CECR2: variants seen among roughly 807,000 people sequenced by gnomAD.
The protein encoded by CECR2 is CECR2 histone acetyl-lysine reader.
CECR2 carries 30 observed loss-of-function variants against 154.5 expected under a neutral mutation model. The ratio of observed to expected loss-of-function variants is 0.19; its 90% CI spans 0.15 to 0.26. The LOEUF is 0.26. Among genes scored for constraint, CECR2 ranks in the 10% least tolerant of loss-of-function variants. The probability of loss-of-function intolerance (pLI) is 1.00; values close to 1 mark genes in which losing one functional copy is unlikely to be tolerated. For missense variants in CECR2, 1,743 were observed against 1,829.3 expected (o/e 0.95, Z 0.86); for synonymous variants, 725 against 683.7 (o/e 1.06, Z -0.94).
At chr22:17,397,740 G>A (rs1422669371) in intron 1 of CECR2, among the ~76,000 whole-genome samples, 3 of 151,722 alleles carry the variant, frequency 2.0e-5, no homozygotes, top group Non-Finnish European at 4.4e-5. Context: ...CTCGTGATCC[G>A]CCCGCCTCGG....
chr22:17,539,285 G>C, intron 13 of CECR2, 166 bp downstream of exon 13: 6 of 723,630 alleles, frequency 8.3e-6, no homozygotes, highest in Non-Finnish European at 1.3e-5. Flanking sequence ...GTGTCTGCCA[G>C]GGATTCTCTC....
intron 7 of CECR2, among the ~76,000 whole-genome samples, chr22:17,511,455 C>CT (rs1483105514): frequency 6.6e-6 from 1 of 152,170 alleles, no homozygotes; most frequent in East Asian, 1.9e-4. Context: ...TGCCCCCTCC[C>CT]AGAGCCGCCC....
At chr22:17,480,809 A>G (rs187356548) in intron 2 of CECR2, among the ~76,000 whole-genome samples, 322 of 150,452 alleles carry the variant, frequency 2.1e-3, no homozygotes, top group African/African-American at 7.5e-3. Flanking sequence ...GGAGGCCGAG[A>G]CGGGCAGATC....
chr22:17,426,066 A>C (rs903966628), intron 1 of CECR2, among the ~76,000 whole-genome samples: 1 of 152,184 alleles, frequency 6.6e-6, no homozygotes, highest in South Asian at 2.1e-4. Flanking sequence ...GCAGTTACCA[A>C]CTGAAGGACA....
chr22:17,421,663 G>T (rs182633716), intron 1 of CECR2, among the ~76,000 whole-genome samples: 4,752 of 141,586 alleles, frequency 0.034, 103 homozygotes, highest in Non-Finnish European at 0.043. Flanking sequence ...CATGGTGGCA[G>T]GCGCCTGTTA....
chr22:17,491,055 C>G (rs1227406651), intron 2 of CECR2, among the ~76,000 whole-genome samples: 2 of 152,074 alleles, frequency 1.3e-5, no homozygotes, highest in African/African-American at 4.8e-5. Flanking sequence ...TGAATCAGTA[C>G]TTCATTCATT....
intron 9 of CECR2, among the ~76,000 whole-genome samples, chr22:17,536,148 T>G (rs2056433601): frequency 6.6e-6 from 1 of 152,102 alleles, no homozygotes; most frequent in East Asian, 1.9e-4. Context: ...CTCGGGAGGC[T>G]GAGGCAGGGG....
intron 1 of CECR2, among the ~76,000 whole-genome samples, chr22:17,455,799 C>T (rs1455195643): frequency 1.3e-5 from 2 of 152,120 alleles, no homozygotes; most frequent in African/African-American, 4.8e-5. Context: ...TTAGTAGAGA[C>T]GGGGTTTCAC....
rs62623401 is a variant in CECR2, at chr22:17,542,247, A to G, written c.2104A>G (p.Met702Val). ...MCGGLTHLSN[M>V]GPHPGSLQLG... Reference sequence around the variant, plus strand: ...CGGGGGGCTGACACACCTTTCTAACATGGGCCCACACCCTGGATCCTTGCA... The same window carrying G: ...CGGGGGGCTGACACACCTTTCTAACGTGGGCCCACACCCTGGATCCTTGCA... The change falls in exon 16 of 19, where the codon ATG becomes GTG. Residue 702 changes from methionine (M) to valine (V), a missense_variant. By Grantham distance (21) the Met-to-Val change is conservative. Around this residue, in one of 4 missense-constraint regions of CECR2, gnomAD observed 1,250 missense variants for 1,192.1 expected, o/e 1.05. Coordinates refer to ENST00000262608, the MANE Select transcript of CECR2 (RefSeq NM_001290047.2). 38,062 of 1,611,034 alleles carry G rather than the reference A, an allele frequency of 0.024. 615 individuals carry two copies. The highest frequency in any genetic ancestry group is 0.028 in the Non-Finnish European group (33,200 of 1,178,556).
intron 16 of CECR2, among the ~76,000 whole-genome samples, chr22:17,543,237 A>G (rs984827696): frequency 1.3e-5 from 2 of 151,904 alleles, no homozygotes; most frequent in Non-Finnish European, 2.9e-5. Context: ...GGTTCATGCC[A>G]TTCTTCGGCC....
At chr22:17,381,589 A>C (rs772014639) in intron 1 of CECR2, among the ~76,000 whole-genome samples, 2 of 152,144 alleles carry the variant, frequency 1.3e-5, no homozygotes, top group Non-Finnish European at 2.9e-5. Context: ...CTCAAAACCC[A>C]ATCAGCCTTC....
intron 1 of CECR2, among the ~76,000 whole-genome samples, chr22:17,397,664 A>AT (rs2053832710): frequency 6.6e-6 from 1 of 151,522 alleles, no homozygotes; most frequent in African/African-American, 2.4e-5. Flanking sequence ...CGCTCGGCTA[A>AT]TTTTTTGTAC....
At chr22:17,473,592 AAACTATCATTG>A (rs1263946989) in intron 1 of CECR2, among the ~76,000 whole-genome samples, 5 of 152,238 alleles carry the variant, frequency 3.3e-5, no homozygotes, top group African/African-American at 9.6e-5. Context: ...GTTTTTCCAC[AAACTATCATTG>A]TGAGGAAGAT....
At chr22:17,541,110 T>C (rs999016712) in intron 14 of CECR2, among the ~76,000 whole-genome samples, 2 of 152,154 alleles carry the variant, frequency 1.3e-5, no homozygotes, top group Non-Finnish European at 2.9e-5. Context: ...TCCTCCTTTT[T>C]CTCAATCACT....
Position 17,497,483 on chromosome 22 carries a change from G to A in CECR2, c.302G>A (p.Arg101Lys), listed in dbSNP as rs763591044. The A allele has an allele frequency of 5.6e-6, 9 of 1,613,990 alleles. No homozygotes were observed. The highest frequency in any genetic ancestry group is 7.6e-6 in the Non-Finnish European group (9 of 1,179,890). Residue 101 changes from arginine (R) to lysine (K), a missense_variant, in exon 3 of 19, where the codon AGG (arginine) becomes AAG (lysine). Arg to Lys is a conservative substitution (Grantham distance 26, BLOSUM62 2). This residue lies in a region of CECR2 where 98 missense variants were observed against 169.3 expected (regional missense o/e 0.58). Coordinates refer to ENST00000262608, the MANE Select transcript of CECR2 (RefSeq NM_001290047.2). ...GAAGAAGGGAAGCCCAACCCTCTGA[G>A]GGAAGCCAGTTTCCAGGACCTGCCT... is the stretch of plus-strand genomic sequence containing the variant. ...ELEEGKPNPL[R>K]EASFQDLPLR...
At chr22:17,541,769 A>G in intron 14 of CECR2, 70 bp from the exon 15 acceptor site, 3 of 1,520,154 alleles carry the variant, frequency 2.0e-6, no homozygotes, top group Non-Finnish European at 2.7e-6. Flanking sequence ...TCTTCAGGAA[A>G]ACCCTTGTTG....
intron 3 of CECR2, among the ~76,000 whole-genome samples, chr22:17,498,369 T>C (rs949864898): frequency 1.3e-5 from 2 of 148,484 alleles, no homozygotes; most frequent in African/African-American, 2.5e-5. Context: ...CCAGCCTGGG[T>C]GACAGAGCGA....
intron 1 of CECR2, among the ~76,000 whole-genome samples, chr22:17,381,986 C>T (rs2063198741): frequency 1.3e-5 from 2 of 151,526 alleles, no homozygotes; most frequent in African/African-American, 4.9e-5. Flanking sequence ...CTCCTGGGTT[C>T]ACCCCATTCT....
chr22:17,440,880 C>T (rs547400131), intron 1 of CECR2, among the ~76,000 whole-genome samples: 1 of 145,542 alleles, frequency 6.9e-6, no homozygotes, highest in African/African-American at 2.6e-5. Context: ...TGCCTTGTAT[C>T]TGTTGATGAT....
Sources: gnomAD v4.1 joint callset for allele counts (sites outside exome capture counted in the v4.1 genomes callset) on GRCh38, gnomAD v4.1.1 for gene constraint, gnomAD v4.1.1 regional missense constraint, MANE v1.5 for transcripts, NCBI Gene and HGNC (gene_info 2026-07-23, HGNC 2026-07-21) for gene names.